The following PAQR5 variants were observed in gnomAD, a reference collection of about 807,000 sequenced individuals.
PAQR5 encodes progestin and adipoQ receptor family member 5.
A neutral mutation model predicts 34.5 loss-of-function variants in PAQR5; 20 were observed. The ratio of observed to expected loss-of-function variants is 0.58; its 90% confidence interval spans 0.41 to 0.84. The LOEUF is 0.84. Ranked by LOEUF, PAQR5 falls within the 40% of genes least tolerant of loss-of-function variation. The probability of loss-of-function intolerance (pLI) is 0.00; values close to 1 mark genes in which losing one functional copy is unlikely to be tolerated. For synonymous variants in PAQR5, 131 were observed against 155.6 expected, an observed-to-expected ratio of 0.84 and a Z score of 1.18; for missense variants, 378 against 412.7, an observed-to-expected ratio of 0.92 and a Z score of 0.73.
At chr15:69,349,154 G>C (rs578222443) in intron 2 of PAQR5, among the ~76,000 whole-genome samples, 1 of 152,226 alleles carries the variant, frequency 6.6e-6, no homozygotes, top group South Asian at 2.1e-4. Context: ...CATCCAATTA[G>C]CATCCCCACC....
intron 3 of PAQR5, among the ~76,000 whole-genome samples, chr15:69,362,998 G>A (rs1252034182): frequency 6.6e-6 from 1 of 152,168 alleles, no homozygotes; most frequent in Non-Finnish European, 1.5e-5. Context: ...CTCCCCCTTT[G>A]TGACTTCCTT....
At chr15:69,349,802 C>A (rs936141128) in intron 2 of PAQR5, among the ~76,000 whole-genome samples, 1 of 151,998 alleles carries the variant, frequency 6.6e-6, no homozygotes, top group East Asian at 2.0e-4. Context: ...CCACCACACC[C>A]GGCTAATTTT....
chr15:69,300,571 C>T (rs1433162180), intron 1 of PAQR5, among the ~76,000 whole-genome samples: 2 of 144,618 alleles, frequency 1.4e-5, no homozygotes, highest in South Asian at 2.3e-4. Flanking sequence ...TTCTTTCTTT[C>T]TCTTTCTTTC....
intron 2 of PAQR5, among the ~76,000 whole-genome samples, chr15:69,352,886 C>A (rs2054959781): frequency 6.6e-6 from 1 of 152,210 alleles, no homozygotes; most frequent in South Asian, 2.1e-4. Context: ...ATGGACCTCT[C>A]TGATTGGGCA....
intron 2 of PAQR5, among the ~76,000 whole-genome samples, chr15:69,342,504 T>C (rs1454487101): frequency 6.6e-6 from 1 of 152,158 alleles, no homozygotes; most frequent in Non-Finnish European, 1.5e-5. Flanking sequence ...CTCTTGATAG[T>C]GTCCTTTGAT....
chr15:69,312,115 T>C (rs1383395001), intron 1 of PAQR5, among the ~76,000 whole-genome samples: 2 of 151,774 alleles, frequency 1.3e-5, no homozygotes, highest in Non-Finnish European at 2.9e-5. Context: ...CAGGGGAGTG[T>C]GTGGGTGTGT....
At chr15:69,330,394 C>T (rs1176564759) in intron 1 of PAQR5, among the ~76,000 whole-genome samples, 2 of 152,208 alleles carry the variant, frequency 1.3e-5, no homozygotes, top group African/African-American at 2.4e-5. Flanking sequence ...TCCTTCTTGC[C>T]TGGGGACTAG....
chr15:69,397,607 A>C (rs1174868548), intron 7 of PAQR5, 43 bp downstream of exon 7: 2 of 1,283,526 alleles, frequency 1.6e-6, no homozygotes, highest in East Asian at 4.6e-5. Context: ...TGGCAACACC[A>C]GGAAGTCAGT....
intron 1 of PAQR5, among the ~76,000 whole-genome samples, chr15:69,300,849 C>A (rs2053562001): frequency 1.2e-4 from 1 of 8,536 alleles, no homozygotes; most frequent in Non-Finnish European, 2.1e-4. Context: ...CGTTTTCTTT[C>A]TTTCTTTCTT....
At chr15:69,302,641 A>T (rs2053630059) in intron 1 of PAQR5, among the ~76,000 whole-genome samples, 1 of 152,106 alleles carries the variant, frequency 6.6e-6, no homozygotes, top group African/African-American at 2.4e-5. Context: ...ACCCTGTGTG[A>T]CCCCTGGACT....
intron 3 of PAQR5, among the ~76,000 whole-genome samples, chr15:69,361,223 G>A (rs1308072902): frequency 6.6e-6 from 1 of 152,166 alleles, no homozygotes; most frequent in African/African-American, 2.4e-5. Context: ...TGTGATTAGT[G>A]GGAACACAGT....
intron 1 of PAQR5, among the ~76,000 whole-genome samples, chr15:69,334,360 T>C (rs1301655022): frequency 3.9e-5 from 6 of 152,172 alleles, no homozygotes; most frequent in Non-Finnish European, 8.8e-5. Context: ...AGATTATTGG[T>C]AAAATAAAAT....
intron 1 of PAQR5, among the ~76,000 whole-genome samples, chr15:69,301,472 T>C (rs1391342327): frequency 6.6e-6 from 1 of 152,190 alleles, no homozygotes; most frequent in East Asian, 1.9e-4. Flanking sequence ...GGGTAAGAAT[T>C]GGAATTGGAA....
At position 69,300,642 on chromosome 15, in the gene PAQR5, TTTCTTTCTTTTCTTTCTTTCTTTCA is replaced by T. The variant is rs1341837342; in HGVS notation, c.-277+1595_-277+1619del. Among the ~76,000 whole-genome samples, 225 of 33,856 alleles carry T rather than the reference TTTCTTTCTTTTCTTTCTTTCTTTCA, an allele frequency of 6.6e-3. 21 individuals are homozygous for T. Among genetic ancestry groups the T allele is most frequent in the East Asian group, 9.2e-3 (14 of 1,526 alleles). 22.2% of individuals were successfully genotyped at this position (33,856 alleles called of 152,430 possible). A position where few individuals can be genotyped will look rare whatever the true frequency, so the allele number is the denominator to read the frequency against. On this transcript the variant is annotated intron_variant, in intron 1 of 8. Coordinates refer to ENST00000395407, the MANE Select transcript of PAQR5 (RefSeq NM_017705.4). ...CTTTCTTTCTTTCTTTCTTTCTTTC[TTTCTTTCTTTTCTTTCTTTCTTTCA>T]TTCTTTCTCTTCCTTCCTCCCTCCC...
At position 69,301,004 on chromosome 15, in the gene PAQR5, TTTCTTTC is replaced by T. The variant is rs1196946067; in HGVS notation, c.-277+1958_-277+1964del. Among the ~76,000 whole-genome samples the T allele has an allele frequency of 1.2e-4, 16 of 129,480 alleles. 1 individual carries two copies. Among genetic ancestry groups the T allele is most frequent in the African/African-American group, 4.5e-4 (15 of 33,680 alleles). 84.9% of individuals were successfully genotyped at this position (129,480 alleles called of 152,430 possible). A position where few individuals can be genotyped will look rare whatever the true frequency, so the allele number is the denominator to read the frequency against. On this transcript the variant is annotated intron_variant, in intron 1 of 8. Coordinates refer to ENST00000395407, the MANE Select transcript of PAQR5 (RefSeq NM_017705.4). ...CTTTCTTTCTTTCTTTCTTTCTTTCTTTCTTTCTTCTTTCTTTTTGACTGAGTCTTGC... is the reference window on the plus strand; with the variant it reads ...CTTTCTTTCTTTCTTTCTTTCTTTCTTTCTTTCTTTTTGACTGAGTCTTGC...
intron 2 of PAQR5, among the ~76,000 whole-genome samples, chr15:69,345,693 T>G (rs182207552): frequency 1.3e-5 from 2 of 152,332 alleles, no homozygotes; most frequent in East Asian, 3.9e-4. Flanking sequence ...TGTTTTGATT[T>G]TTTTGAAGCT....
chr15:69,305,657 C>T (rs1353297468), intron 1 of PAQR5, among the ~76,000 whole-genome samples: 1 of 152,020 alleles, frequency 6.6e-6, no homozygotes, highest in African/African-American at 2.4e-5. Context: ...TTTCCCCTCT[C>T]ACGCTGCCCT....
intron 1 of PAQR5, among the ~76,000 whole-genome samples, chr15:69,306,412 C>CTTTTTTT (rs34752383): frequency 5.5e-5 from 7 of 127,628 alleles, no homozygotes; most frequent in African/African-American, 2.0e-4. Flanking sequence ...ACCATTTAAC[C>CTTTTTTT]TTTTTTTTTT....
At chr15:69,302,514 G>A (rs769379558) in intron 1 of PAQR5, among the ~76,000 whole-genome samples, 43 of 152,148 alleles carry the variant, frequency 2.8e-4, no homozygotes, top group Non-Finnish European at 5.4e-4. Flanking sequence ...CTTGTTCATC[G>A]AAGGCCAGGG....
Sources: gnomAD v4.1 joint callset for allele counts (sites outside exome capture counted in the v4.1 genomes callset) on GRCh38, gnomAD v4.1.1 for gene constraint, MANE v1.5 for transcripts, NCBI Gene and HGNC (gene_info 2026-07-23, HGNC 2026-07-21) for gene names.